The following ADRA1A variants were observed in gnomAD, a reference collection of about 807,000 sequenced individuals.
The protein encoded by ADRA1A is alpha-1A adrenergic receptor.
Under a neutral mutation model 29.6 loss-of-function variants are expected in ADRA1A, and 31 were observed. The ratio of observed to expected loss-of-function variants is 1.05; its 90% CI spans 0.79 to 1.41. The LOEUF (loss-of-function observed/expected upper bound fraction) is 1.41, where lower values mean the gene tolerates loss of function less well. ADRA1A is among the 40% of genes most tolerant of loss of function. The probability of loss-of-function intolerance (pLI) is 0.00; values close to 1 mark genes in which losing one functional copy is unlikely to be tolerated. For synonymous variants in ADRA1A, 311 were observed against 254.3 expected (o/e 1.22, Z -2.12); for missense variants, 619 against 601.1 (o/e 1.03, Z -0.31).
intron 2 of ADRA1A, among the ~76,000 whole-genome samples, chr8:26,782,948 T>C (rs1807101530): frequency 1.3e-5 from 2 of 151,136 alleles, no homozygotes; most frequent in South Asian, 2.1e-4. Context: ...CTCCAACCTC[T>C]TCCACAACAT....
Position 26,811,261 on chromosome 8 carries a change from C to T in ADRA1A, c.884-40595G>A, listed in dbSNP as rs1269549392. On this transcript the variant is annotated intron_variant, in intron 2 of 2. Transcript: ENST00000380573. ...AGGCTGGAGTGCAGTGGCGCGATCT[C>T]GGCTCGCTGCAAGCTCTGCCTTCCA... Among the ~76,000 whole-genome samples, 5 of 151,654 alleles carry T rather than the reference C, an allele frequency of 3.3e-5. 1 individual carries two copies. Among genetic ancestry groups the T allele is most frequent in the Admixed American group, 2.0e-4 (3 of 15,222 alleles).
intron 2 of ADRA1A, among the ~76,000 whole-genome samples, chr8:26,818,614 A>G (rs1809931881): frequency 6.6e-6 from 1 of 152,098 alleles, no homozygotes; most frequent in South Asian, 2.1e-4. Context: ...AGAACCAAAC[A>G]GAAATTCTGG....
At chr8:26,762,090 A>G (rs543748277), downstream of ADRA1A, among the ~76,000 whole-genome samples, 2 of 152,288 alleles carry the variant, frequency 1.3e-5, no homozygotes, top group Admixed American at 6.5e-5. This position sits in a 1 kb window ranked among gnomAD's most constrained non-coding sequence, Gnocchi z 4.0. Context: ...ACAATAAAGG[A>G]AAGAGACAGA....
At chr8:26,834,281 A>G (rs1428525677) in intron 2 of ADRA1A, among the ~76,000 whole-genome samples, 1 of 152,250 alleles carries the variant, frequency 6.6e-6, no homozygotes. Context: ...GGTTGTGAAG[A>G]TATCAGTTTT....
chr8:26,840,791 G>A (rs1187023477), intron 2 of ADRA1A, among the ~76,000 whole-genome samples: 2 of 152,150 alleles, frequency 1.3e-5, no homozygotes, highest in Non-Finnish European at 2.9e-5. Context: ...GAGTTGCTAA[G>A]CATTTTTGTC....
Position 26,865,087 on chromosome 8 carries a change from G to A in ADRA1A, c.-118C>T. 1.3e-6 allele frequency: 2 copies of A among 1,501,078 alleles called. No homozygotes were observed. The highest frequency in any genetic ancestry group is 1.8e-6 in the Non-Finnish European group (2 of 1,136,070). The allele number at this position is 1,501,078 out of a possible 1,614,324, so 93.0% of individuals were successfully genotyped here. On this transcript the variant is annotated 5_prime_UTR_variant, in exon 2 of 3. Transcript: ENST00000380573. The surrounding 1 kb of genome is among the most constrained non-coding windows in gnomAD (Gnocchi z 7.6). ...TCTCGGCTGGAGGGAGCCCTGCCAG[G>A]TGGGTTTGGCTGGGGGTGAGAGCGC...
At chr8:26,786,750 G>C (rs1174873747) in intron 2 of ADRA1A, among the ~76,000 whole-genome samples, 2 of 151,852 alleles carry the variant, frequency 1.3e-5, no homozygotes, top group African/African-American at 2.4e-5. Context: ...GGGTTGGGGG[G>C]GGGGGTCTCT....
chr8:26,791,506 C>A (rs1420863963), intron 2 of ADRA1A, among the ~76,000 whole-genome samples: 4 of 152,142 alleles, frequency 2.6e-5, no homozygotes, highest in African/African-American at 9.7e-5. Flanking sequence ...ACTCCTAGAG[C>A]TTCACATGCA....
downstream of ADRA1A, chr8:26,765,979 A>G (rs532967729): frequency 6.2e-6 from 10 of 1,601,632 alleles, no homozygotes; most frequent in South Asian, 1.1e-4. Context: ...AAGCGATGTC[A>G]CATAATACAT....
Position 26,865,203 on chromosome 8 carries a change from C to A in ADRA1A, c.-234G>T. ...GGCATTAAAGACATGGCCAGGGGCG[C>A]GCGGGGCTGCCGGGGACCCTCTCCA... On this transcript the variant is annotated 5_prime_UTR_variant, in exon 2 of 3. Coordinates refer to ENST00000380573, the MANE Select transcript of ADRA1A (RefSeq NM_000680.4). The surrounding 1 kb of genome is among the most constrained non-coding windows in gnomAD (Gnocchi z 7.6). 1 of 1,359,994 alleles carries A rather than the reference C, an allele frequency of 7.4e-7. No individual in the cohort carries two copies. The highest frequency in any genetic ancestry group is 9.4e-7 in the Non-Finnish European group (1 of 1,058,584). The allele number at this position is 1,359,994 out of a possible 1,614,324, so 84.2% of individuals were successfully genotyped here.
At chr8:26,797,022 C>T (rs1003212596) in intron 2 of ADRA1A, among the ~76,000 whole-genome samples, 12 of 152,162 alleles carry the variant, frequency 7.9e-5, no homozygotes, top group South Asian at 4.1e-4. Context: ...ATGTTCACAA[C>T]GATACTAAGG....
intron 2 of ADRA1A, among the ~76,000 whole-genome samples, chr8:26,856,632 C>T (rs1813067339): frequency 6.6e-6 from 1 of 152,142 alleles, no homozygotes; most frequent in South Asian, 2.1e-4. Flanking sequence ...CTTTAAACAC[C>T]TACTCATTCA....
At position 26,775,531 on chromosome 8, in the gene ADRA1A, C is replaced by T. The variant is rs967184157; in HGVS notation, c.884-4865G>A. Among the ~76,000 whole-genome samples the T allele has an allele frequency of 3.3e-5, 5 of 152,120 alleles. No homozygotes were observed. The highest frequency in any genetic ancestry group is 9.7e-5 in the African/African-American group (4 of 41,432). On this transcript the variant is annotated intron_variant, in intron 2 of 2. Transcript: ENST00000380573. The surrounding 1 kb of genome is among the most constrained non-coding windows in gnomAD (Gnocchi z 4.1). ...TAGGGGCTCCTACTTCTTTGGTCAC[C>T]GTAGCTATGGTTTTCTCCTCAACAA...
In ADRA1A at chr8:26,769,594, G is replaced by A. The variant is rs1734805100; in HGVS notation, c.*555C>T. The A allele has an allele frequency of 1.0e-6, 1 of 985,398 alleles. No individual in the cohort carries two copies. Among genetic ancestry groups the A allele is most frequent in the South Asian group, 4.7e-5 (1 of 21,294 alleles). The allele number at this position is 985,398 out of a possible 1,614,324, so 61.0% of individuals were successfully genotyped here. A position where few individuals can be genotyped will look rare whatever the true frequency, so the allele number is the denominator to read the frequency against. ...AACCTCACTGCCAAGTTTCCCTCAA[G>A]CTGAGAAATTGGATGTATCAGAAAG... On this transcript the variant is annotated 3_prime_UTR_variant, in exon 3 of 3. Transcript: ENST00000380573.
chr8:26,858,357 G>A (rs1194700110), intron 2 of ADRA1A, among the ~76,000 whole-genome samples: 2 of 152,164 alleles, frequency 1.3e-5, no homozygotes, highest in Non-Finnish European at 2.9e-5. Context: ...TTCTTAGAAT[G>A]CCAAGGACAT....
Position 26,866,796 on chromosome 8 carries a change from T to G in ADRA1A, c.-687+140A>C, listed in dbSNP as rs1813934825. On this transcript the variant is annotated intron_variant, in intron 1 of 2. Transcript: ENST00000380573. The surrounding 1 kb of genome is among the most constrained non-coding windows in gnomAD (Gnocchi z 5.7). ...GCAGAAGATGTAAGGGAATCGGGGG[T>G]GGGGTAGAGGGGCCGGTATAAAACC... 3 of 743,250 alleles carry G rather than the reference T, an allele frequency of 4.0e-6. No individual in the cohort carries two copies. Among genetic ancestry groups the G allele is most frequent in the Non-Finnish European group, 4.9e-6 (3 of 609,496 alleles). The allele number at this position is 743,250 out of a possible 1,614,324, so 46.0% of individuals were successfully genotyped here. A position where few individuals can be genotyped will look rare whatever the true frequency, so the allele number is the denominator to read the frequency against.
At chr8:26,750,047 T>C (rs1804856670) in intron 2 of ADRA1A, among the ~76,000 whole-genome samples, 1 of 152,172 alleles carries the variant, frequency 6.6e-6, no homozygotes, top group Non-Finnish European at 1.5e-5. Flanking sequence ...ATCAGAAATT[T>C]ATTTCTCTCA....
chr8:26,849,888 C>A (rs1812485071), intron 2 of ADRA1A, among the ~76,000 whole-genome samples: 1 of 151,492 alleles, frequency 6.6e-6, no homozygotes, highest in African/African-American at 2.4e-5. Context: ...AGTGTGCCCA[C>A]CATATGGAGT....
chr8:26,801,370 GA>G (rs1352703981), intron 2 of ADRA1A, among the ~76,000 whole-genome samples: 1 of 151,964 alleles, frequency 6.6e-6, no homozygotes, highest in Non-Finnish European at 1.5e-5. Context: ...TCTTATGTTT[GA>G]AAAAAATCTA....
Sources: gnomAD v4.1 joint callset for allele counts (sites outside exome capture counted in the v4.1 genomes callset) on GRCh38, gnomAD v4.1.1 for gene constraint, Gnocchi (gnomAD v3.1) non-coding constraint, MANE v1.5 for transcripts, NCBI Gene and HGNC (gene_info 2026-07-23, HGNC 2026-07-21) for gene names.